Variants in NT5C1A observed in about 807,000 individuals in gnomAD.
NT5C1A encodes the protein 5'-nucleotidase, cytosolic IA.
A neutral mutation model predicts 31.0 loss-of-function variants in NT5C1A; 18 were observed. The observed-to-expected ratio is 0.58, with a 90% CI of 0.40 to 0.86. The LOEUF (loss-of-function observed/expected upper bound fraction) is 0.86, where lower values mean the gene tolerates loss of function less well. Among genes scored for constraint, NT5C1A ranks in the 40% least tolerant of loss-of-function variants. The pLI is 0.00. For synonymous variants in NT5C1A, 185 were observed against 203.6 expected, an observed-to-expected ratio of 0.91 and a Z score of 0.78; for missense variants, 470 against 505.4, an observed-to-expected ratio of 0.93 and a Z score of 0.67.
In NT5C1A at chr1:39,651,302, G is replaced by T. The variant is rs1349249035; in HGVS notation, c.*7819C>A. ...GCACATGTGGTAAAATTAAGGTATA[G>T]GACATGCATGAGAAGTGACAGGGAC... On this transcript the variant is annotated 3_prime_UTR_variant, in exon 6 of 6. Coordinates refer to ENST00000235628, the MANE Select transcript of NT5C1A (RefSeq NM_032526.3). Among the ~76,000 whole-genome samples, 2 of 152,236 alleles carry T rather than the reference G, an allele frequency of 1.3e-5. No individual in the cohort carries two copies. The highest frequency in any genetic ancestry group is 3.8e-4 in the East Asian group (2 of 5,198).
chr1:39,651,827 C>T lies in NT5C1A; in HGVS notation c.*7294G>A, dbSNP rs138679991. 3.5e-3 allele frequency among the ~76,000 whole-genome samples: 528 copies of T among 151,832 alleles called. 2 individuals carry two copies. The highest frequency in any genetic ancestry group is 0.012 in the African/African-American group (514 of 41,406). On this transcript the variant is annotated 3_prime_UTR_variant, in exon 6 of 6. Transcript: ENST00000235628. ...GGTGGATCACCTGAGGTCAGGAGTT[C>T]GAGACCAGCCTGGCCAATATGGTGA... is the stretch of plus-strand genomic sequence containing the variant.
chr1:39,652,030 CAAAAAAAAAAAAAAAAAAAA>C lies in NT5C1A; in HGVS notation c.*7071_*7090del, dbSNP rs61024293. ...TGAGTGACAGAGCAAGACTCCGTCT[CAAAAAAAAAAAAAAAAAAAA>C]AAAAAAAAAAAAAAAAAGAAGTTTG... On this transcript the variant is annotated 3_prime_UTR_variant, in exon 6 of 6. Transcript: ENST00000235628. 9.0e-4 allele frequency among the ~76,000 whole-genome samples: 34 copies of C among 37,856 alleles called. No individual in the cohort carries two copies. The South Asian group carries it at 0.015, about 17-fold the overall frequency. 24.8% of individuals were successfully genotyped at this position (37,856 alleles called of 152,430 possible).
chr1:39,653,482 A>G lies in NT5C1A; in HGVS notation c.*5639T>C, dbSNP rs1053048624. Among the ~76,000 whole-genome samples, 5 of 152,122 alleles carry G rather than the reference A, an allele frequency of 3.3e-5. No individual in the cohort carries two copies. Among genetic ancestry groups the G allele is most frequent in the African/African-American group, 4.8e-5 (2 of 41,418 alleles). On this transcript the variant is annotated 3_prime_UTR_variant, in exon 6 of 6. Coordinates refer to ENST00000235628, the MANE Select transcript of NT5C1A (RefSeq NM_032526.3). ...TTTTATCCTGTTGCACAAACTTAAT[A>G]TGTGTGCATCCATACACACAATCAC... is the stretch of plus-strand genomic sequence containing the variant.
rs547985442 is a variant in NT5C1A, at chr1:39,653,518, G to A, written c.*5603C>T. 4.9e-4 allele frequency among the ~76,000 whole-genome samples: 74 copies of A among 152,206 alleles called. No homozygotes were observed. The highest frequency in any genetic ancestry group is 1.2e-3 in the African/African-American group (50 of 41,516). On this transcript the variant is annotated 3_prime_UTR_variant, in exon 6 of 6. Coordinates refer to ENST00000235628, the MANE Select transcript of NT5C1A (RefSeq NM_032526.3). The stretch of plus-strand genomic sequence containing the variant: ...CATACACACAATCACAGTAATTGCC[G>A]GCAAGAGCAATCGGCTCGTCACTCG...
chr1:39,670,320 G>C (rs1209159649), intron 1 of NT5C1A, among the ~76,000 whole-genome samples: 1 of 152,184 alleles, frequency 6.6e-6, no homozygotes, highest in African/African-American at 2.4e-5. Context: ...TTTTGTTTTG[G>C]TTTGTTTTAA....
In NT5C1A at chr1:39,658,254, T is replaced by C. The variant is rs1646473345; in HGVS notation, c.*867A>G. On this transcript the variant is annotated 3_prime_UTR_variant, in exon 6 of 6. Coordinates refer to ENST00000235628, the MANE Select transcript of NT5C1A (RefSeq NM_032526.3). ...AGGAGAGTTTGTATGCGTGTCCAATTCACTCCCCTTGCTTCCTGGGCTGAG... is the reference window on the plus strand; with the variant it reads ...AGGAGAGTTTGTATGCGTGTCCAATCCACTCCCCTTGCTTCCTGGGCTGAG... 6.6e-6 allele frequency among the ~76,000 whole-genome samples: 1 copy of C among 152,222 alleles called. No homozygotes were observed. Among genetic ancestry groups the C allele is most frequent in the East Asian group, 1.9e-4 (1 of 5,198 alleles).
intron 1 of NT5C1A, 44 bp downstream of exon 1, chr1:39,671,860 G>A (rs535921748): frequency 2.5e-6 from 4 of 1,609,490 alleles, no homozygotes; most frequent in South Asian, 1.1e-5. Context: ...CTCCTCCGGG[G>A]TAACCCTTCC....
rs189205519 is a variant in NT5C1A, at chr1:39,653,620, C to T, written c.*5501G>A. ...AGAGCTAACCGTGGGGAGAGTCCAG[C>T]GCAGCACTAAGTCAGTGGGAGAGAA... On this transcript the variant is annotated 3_prime_UTR_variant, in exon 6 of 6. Transcript: ENST00000235628. Among the ~76,000 whole-genome samples the T allele has an allele frequency of 2.0e-3, 306 of 152,252 alleles. No homozygotes were observed. Among genetic ancestry groups the T allele is most frequent in the South Asian group, 3.3e-3 (16 of 4,814 alleles).
chr1:39,667,400 A>G (rs1188316494), intron 1 of NT5C1A, among the ~76,000 whole-genome samples: 1 of 152,098 alleles, frequency 6.6e-6, no homozygotes, highest in Non-Finnish European at 1.5e-5. Context: ...GAGGATCAGA[A>G]TATGAGTGCC....
chr1:39,670,663 C>T (rs1646546205), intron 1 of NT5C1A, among the ~76,000 whole-genome samples: 1 of 152,220 alleles, frequency 6.6e-6, no homozygotes. Context: ...GTGGGCTCTT[C>T]CACATCCCTC....
At chr1:39,668,019 C>G (rs570170248) in intron 1 of NT5C1A, among the ~76,000 whole-genome samples, 1 of 152,336 alleles carries the variant, frequency 6.6e-6, no homozygotes, top group African/African-American at 2.4e-5. Flanking sequence ...TTAACCCCAA[C>G]CAAGATGGTG....
In NT5C1A at chr1:39,656,048, G is replaced by C. The variant is rs559918688; in HGVS notation, c.*3073C>G. On this transcript the variant is annotated 3_prime_UTR_variant, in exon 6 of 6. Coordinates refer to ENST00000235628, the MANE Select transcript of NT5C1A (RefSeq NM_032526.3). ...AGGAGAGGGGGATGTTTTGCAACTGGCTGAGCAGTCTCAGTGCTTAGTAAC... is the reference window on the plus strand; with the variant it reads ...AGGAGAGGGGGATGTTTTGCAACTGCCTGAGCAGTCTCAGTGCTTAGTAAC... Among the ~76,000 whole-genome samples, 3 of 151,702 alleles carry C rather than the reference G, an allele frequency of 2.0e-5. No homozygotes were observed. The South Asian group carries it at 6.3e-4, about 32-fold the overall frequency.
rs1462723867 is a variant in NT5C1A, at chr1:39,652,140, A to C, written c.*6981T>G. On this transcript the variant is annotated 3_prime_UTR_variant, in exon 6 of 6. Transcript: ENST00000235628. ...CATCTCTGAGGTCTCTTAAATATCCATCACTGAGAATCTGAGTGTAATATC... is the reference window on the plus strand; with the variant it reads ...CATCTCTGAGGTCTCTTAAATATCCCTCACTGAGAATCTGAGTGTAATATC... 6.6e-6 allele frequency among the ~76,000 whole-genome samples: 1 copy of C among 150,686 alleles called. No homozygotes were observed. The highest frequency in any genetic ancestry group is 1.5e-5 in the Non-Finnish European group (1 of 67,902).
At chr1:39,664,102 C>G (rs1461411875) in intron 3 of NT5C1A, among the ~76,000 whole-genome samples, 1 of 152,116 alleles carries the variant, frequency 6.6e-6, no homozygotes, top group Non-Finnish European at 1.5e-5. Flanking sequence ...CTCTTGGTTG[C>G]TAAAAACCAG....
chr1:39,664,266 G>A (rs1475887643), intron 3 of NT5C1A, among the ~76,000 whole-genome samples: 1 of 150,378 alleles, frequency 6.6e-6, no homozygotes, highest in African/African-American at 2.5e-5. Flanking sequence ...TCATTCTCCT[G>A]CCTCAGCCTC....
At position 39,655,732 on chromosome 1, in the gene NT5C1A, G is replaced by A. The variant is rs777515222; in HGVS notation, c.*3389C>T. On this transcript the variant is annotated 3_prime_UTR_variant, in exon 6 of 6. Transcript: ENST00000235628. ...ACACCACAAAACAGAGTAGACACTG[G>A]CCATAGTGCCGCTGCAGCCTCCTAG... 2.6e-5 allele frequency among the ~76,000 whole-genome samples: 4 copies of A among 152,044 alleles called. No homozygotes were observed. Among genetic ancestry groups the A allele is most frequent in the Non-Finnish European group, 5.9e-5 (4 of 68,022 alleles).
intron 5 of NT5C1A, among the ~76,000 whole-genome samples, chr1:39,659,844 T>C (rs2124150124): frequency 6.6e-6 from 1 of 152,320 alleles, no homozygotes; most frequent in East Asian, 1.9e-4. Context: ...AACTATGGCA[T>C]GGGCGCCCTC....
chr1:39,665,484 C>A, intron 3 of NT5C1A, 37 bp downstream of exon 3: 1 of 1,581,148 alleles, frequency 6.3e-7, no homozygotes, highest in South Asian at 1.2e-5. Flanking sequence ...GTAGGGGTGT[C>A]CCAGGGCAAA....
Position 39,657,060 on chromosome 1 carries a change from G to A in NT5C1A, c.*2061C>T, listed in dbSNP as rs1025141779. ...CTGGCTGTGCAGTGGAAATGACCTCGTGCAAAGACATTATCATATGCCCTT... is the reference window on the plus strand; with the variant it reads ...CTGGCTGTGCAGTGGAAATGACCTCATGCAAAGACATTATCATATGCCCTT... On this transcript the variant is annotated 3_prime_UTR_variant, in exon 6 of 6. Transcript: ENST00000235628. Among the ~76,000 whole-genome samples the A allele has an allele frequency of 1.3e-5, 2 of 152,170 alleles. No individual in the cohort carries two copies. The highest frequency in any genetic ancestry group is 2.4e-5 in the African/African-American group (1 of 41,428).
Sources: allele counts gnomAD v4.1 joint callset (sites outside exome capture counted in the v4.1 genomes callset), GRCh38; gene constraint gnomAD v4.1.1; transcripts MANE v1.5; gene names NCBI Gene and HGNC (gene_info 2026-07-23, HGNC 2026-07-21).